The following PIK3CD variants were observed in gnomAD, a reference collection of about 807,000 sequenced individuals.
PIK3CD encodes phosphatidylinositol-4,5-bisphosphate 3-kinase catalytic subunit delta.
Under a neutral mutation model 122.9 loss-of-function variants are expected in PIK3CD, and 20 were observed. That is an observed-to-expected ratio of 0.16 (90% CI 0.11 to 0.24). The LOEUF (loss-of-function observed/expected upper bound fraction) is 0.24, where lower values mean the gene tolerates loss of function less well. PIK3CD is among the 10% of genes least tolerant of loss of function. The pLI is 1.00. For synonymous variants in PIK3CD, 596 were observed against 593.4 expected (o/e 1.00, Z -0.06); for missense variants, 787 against 1,406.3 (o/e 0.56, Z 7.04).
the PIK3CD span, among the ~76,000 whole-genome samples, chr1:9,640,241 C>T: frequency 6.6e-6 from 1 of 152,056 alleles, no homozygotes; most frequent in African/African-American, 2.4e-5. Context: ...TTGCCAGTTT[C>T]CCCAGGGAGC....
chr1:9,728,843 TTAAG>T lies in PIK3CD; in HGVS notation c.*1800_*1803del, dbSNP rs1205731814. On this transcript the variant is annotated 3_prime_UTR_variant, in exon 24 of 24. Coordinates refer to ENST00000377346, the MANE Select transcript of PIK3CD (RefSeq NM_005026.5). ...TTTCTGTCTGGGGAAGGCAAGTTAG[TTAAG>T]TATCACTGATGTGGGTTGAGACCAG... The T allele has an allele frequency of 1.3e-5, 2 of 152,242 alleles. No homozygotes were observed. The highest frequency in any genetic ancestry group is 1.5e-5 in the Non-Finnish European group (1 of 68,048). 9.4% of individuals were successfully genotyped at this position (152,242 alleles called of 1,614,324 possible). A position where few individuals can be genotyped will look rare whatever the true frequency, so the allele number is the denominator to read the frequency against.
chr1:9,691,338 T>A (rs901256096), intron 1 of PIK3CD, 129 bp from the exon 2 acceptor site: 1 of 389,222 alleles, frequency 2.6e-6, no homozygotes, highest in Non-Finnish European at 4.5e-6. Context: ...GTGATTGGTT[T>A]GCAAAAAGGA....
At position 9,727,099 on chromosome 1, in the gene PIK3CD, C is replaced by T; in HGVS notation, c.*53C>T. On this transcript the variant is annotated 3_prime_UTR_variant, in exon 24 of 24. Transcript: ENST00000377346. ...GGAGGCGGCTGCGGGTCGTGGGGAC[C>T]AAGCACATTGGTCCTAAAGGGGCTG... The T allele has an allele frequency of 6.2e-7, 1 of 1,608,146 alleles. No homozygotes were observed. The highest frequency in any genetic ancestry group is 8.5e-7 in the Non-Finnish European group (1 of 1,175,448).
intron 2 of PIK3CD, among the ~76,000 whole-genome samples, chr1:9,692,336 G>A (rs775115558): frequency 2.6e-5 from 4 of 152,148 alleles, no homozygotes; most frequent in Non-Finnish European, 4.4e-5. Context: ...GCGCGGTGGC[G>A]TCCTTAAAGG....
chr1:9,681,269 T>G (rs1235193577), intron 1 of PIK3CD: 1 of 152,096 alleles, frequency 6.6e-6, no homozygotes, highest in Non-Finnish European at 1.5e-5. Context: ...AGAGATAGGG[T>G]CTCTGCTGCC....
Position 9,717,066 on chromosome 1 carries a change from C to T in PIK3CD, c.888C>T (p.Val296=). 6.2e-7 allele frequency: 1 copy of T among 1,613,988 alleles called. No homozygotes were observed. Among genetic ancestry groups the T allele is most frequent in the Non-Finnish European group, 8.5e-7 (1 of 1,180,032 alleles). The change falls in exon 7 of 24, where the codon GTC becomes GTT. Residue 296 remains valine, a synonymous_variant. Coordinates refer to ENST00000377346, the MANE Select transcript of PIK3CD (RefSeq NM_005026.5). This position sits in a 1 kb window ranked among gnomAD's most constrained non-coding sequence, Gnocchi z 5.4. The part of the protein sequence containing the change: ...RDEQSNPAPQ[V]QKPRAKPPPI... ...AGCAGAGCAACCCTGCCCCCCAGGTCCAGAAACCGCGTGCCAAACCACCTC... is the reference window on the plus strand; with the variant it reads ...AGCAGAGCAACCCTGCCCCCCAGGTTCAGAAACCGCGTGCCAAACCACCTC...
At position 9,727,080 on chromosome 1, in the gene PIK3CD, G is replaced by A. The variant is rs199690383; in HGVS notation, c.*34G>A. 2.0e-4 allele frequency: 323 copies of A among 1,613,510 alleles called. 1 individual carries two copies. The African/African-American group carries it at 3.5e-3, about 17-fold the overall frequency. On this transcript the variant is annotated 3_prime_UTR_variant, in exon 24 of 24. Transcript: ENST00000377346. ...CCCAGCCCTGGGCCCAAGAGGAGGC[G>A]GCTGCGGGTCGTGGGGACCAAGCAC...
Position 9,721,953 on chromosome 1 carries a change from C to T in PIK3CD, c.2056-22C>T, listed in dbSNP as rs954058852. 33 of 1,613,220 alleles carry T rather than the reference C, an allele frequency of 2.0e-5. No individual in the cohort carries two copies. The East Asian group carries it at 2.5e-4, about 12-fold the overall frequency. ...GTCGAGGCTGGGACCTGCCCACCGC[C>T]GCCCTCCCATCTGCCCACCAGGGGG... is the stretch of plus-strand genomic sequence containing the variant. On this transcript the variant is annotated intron_variant, in intron 16 of 23. Coordinates refer to ENST00000377346, the MANE Select transcript of PIK3CD (RefSeq NM_005026.5).
At chr1:9,665,201 CAAAAAAA>C (rs756515572) in intron 1 of PIK3CD, among the ~76,000 whole-genome samples, 4 of 52,998 alleles carry the variant, frequency 7.5e-5, no homozygotes, top group Non-Finnish European at 1.2e-4. Context: ...GACAGCCTGT[CAAAAAAA>C]AAAAAAAAAA....
the PIK3CD span, among the ~76,000 whole-genome samples, chr1:9,641,917 T>C: frequency 2.0e-5 from 3 of 152,080 alleles, no homozygotes; most frequent in African/African-American, 7.2e-5. Context: ...TGCCATCAAC[T>C]TCACGTGATC....
In PIK3CD at chr1:9,718,769, T is replaced by C; in HGVS notation, c.1096T>C (p.Cys366Arg). 6.2e-7 allele frequency: 1 copy of C among 1,610,670 alleles called. No individual in the cohort carries two copies. Among genetic ancestry groups the C allele is most frequent in the Non-Finnish European group, 8.5e-7 (1 of 1,179,936 alleles). Residue 366 changes from cysteine to arginine, a missense_variant, in exon 9 of 24, where the codon TGC becomes CGC. Coordinates refer to ENST00000377346, the MANE Select transcript of PIK3CD (RefSeq NM_005026.5). The surrounding 1 kb of genome is among the most constrained non-coding windows in gnomAD (Gnocchi z 7.2). ...KTVSSSEVSVCSEPVWKQRLE... is the reference protein window; with the variant it reads ...KTVSSSEVSVRSEPVWKQRLE... ...GGTGTCCAGCTCGGAGGTGAGCGTGTGCTCGGAGCCCGTGTGGAAGCAGCG... is the reference window on the plus strand; with the variant it reads ...GGTGTCCAGCTCGGAGGTGAGCGTGCGCTCGGAGCCCGTGTGGAAGCAGCG...
chr1:9,663,425 C>G (rs1645066609), intron 1 of PIK3CD, among the ~76,000 whole-genome samples: 1 of 152,180 alleles, frequency 6.6e-6, no homozygotes. Flanking sequence ...CGTATCCCCT[C>G]ATTTCACGGA....
At position 9,717,574 on chromosome 1, in the gene PIK3CD, T is replaced by A; in HGVS notation, c.968T>A (p.Phe323Tyr). The A allele has an allele frequency of 6.2e-7, 1 of 1,614,054 alleles. No homozygotes were observed. Among genetic ancestry groups the A allele is most frequent in the Non-Finnish European group, 8.5e-7 (1 of 1,180,022 alleles). ...TCCCTGTGGTCCCTGGAGCAGCCGT[T>A]CCGCATCGAGCTCATCCAGGGCAGC... ...SVSLWSLEQP[F>Y]RIELIQGSKV... The change falls in exon 8 of 24, where the codon TTC (phenylalanine) becomes TAC (tyrosine). Residue 323 changes from phenylalanine to tyrosine, a missense_variant. By Grantham distance (22) the Phe-to-Tyr change is conservative. Around this residue, in one of 6 missense-constraint regions of PIK3CD, gnomAD observed 592 missense variants for 920.6 expected, o/e 0.64. Transcript: ENST00000377346. The surrounding 1 kb of genome is among the most constrained non-coding windows in gnomAD (Gnocchi z 5.4).
rs1647577736 is a variant in PIK3CD, at chr1:9,716,945, GCAC to G, written c.781-12_781-10del. 5 of 1,613,656 alleles carry G rather than the reference GCAC, an allele frequency of 3.1e-6. No individual in the cohort carries two copies. Among genetic ancestry groups the G allele is most frequent in the Non-Finnish European group, 4.2e-6 (5 of 1,179,994 alleles). Reference sequence around the variant, plus strand: ...GGCCGCCCCACCAGCCGCTCACCCTGCACCCCGTCTCAGTACATCTGCAGCTGC... The same window carrying G: ...GGCCGCCCCACCAGCCGCTCACCCTGCCCGTCTCAGTACATCTGCAGCTGC... On this transcript the variant is annotated splice_polypyrimidine_tract_variant and intron_variant, in intron 6 of 23. Transcript: ENST00000377346.
chr1:9,637,439 C>T, the PIK3CD span, among the ~76,000 whole-genome samples: 2 of 152,134 alleles, frequency 1.3e-5, no homozygotes, highest in Admixed American at 1.3e-4. Flanking sequence ...TCACTTGAGC[C>T]CGGGAGATCG....
chr1:9,628,996 G>A, the PIK3CD span, among the ~76,000 whole-genome samples: 2 of 152,140 alleles, frequency 1.3e-5, no homozygotes, highest in African/African-American at 4.8e-5. Flanking sequence ...AGGGCGAGGG[G>A]GCTTCATGAC....
At chr1:9,685,518 C>A (rs1254322374) in intron 1 of PIK3CD, among the ~76,000 whole-genome samples, 1 of 152,050 alleles carries the variant, frequency 6.6e-6, no homozygotes, top group Non-Finnish European at 1.5e-5. Context: ...ACCACCACAC[C>A]TGGCTAATTC....
chr1:9,630,200 A>C, the PIK3CD span, among the ~76,000 whole-genome samples: 1 of 152,220 alleles, frequency 6.6e-6, no homozygotes, highest in Non-Finnish European at 1.5e-5. Context: ...TGGTGATACC[A>C]GGGGCAGAGG....
At chr1:9,630,227 G>A in the PIK3CD span, among the ~76,000 whole-genome samples, 1 of 152,246 alleles carries the variant, frequency 6.6e-6, no homozygotes, top group Non-Finnish European at 1.5e-5. Context: ...TCTGACAGGT[G>A]AGTCTAGCCT....
Sources: allele counts gnomAD v4.1 joint callset (sites outside exome capture counted in the v4.1 genomes callset), GRCh38; gene constraint gnomAD v4.1.1; regional missense constraint gnomAD v4.1.1; non-coding constraint Gnocchi (gnomAD v3.1); transcripts MANE v1.5; gene names NCBI Gene and HGNC (gene_info 2026-07-23, HGNC 2026-07-21).